The following LRRC1 variants were observed in gnomAD, a reference collection of about 807,000 sequenced individuals.
LRRC1 encodes the protein leucine-rich repeat-containing protein 1.
A neutral mutation model predicts 69.9 loss-of-function variants in LRRC1; 28 were observed. That is an observed-to-expected ratio of 0.40 (90% CI 0.30 to 0.55). The LOEUF is 0.55. Among genes scored for constraint, LRRC1 ranks in the 20% least tolerant of loss-of-function variants. The probability of loss-of-function intolerance (pLI) is 0.47; values close to 1 mark genes in which losing one functional copy is unlikely to be tolerated. For synonymous variants in LRRC1, 236 were observed against 240.2 expected, an observed-to-expected ratio of 0.98 and a Z score of 0.16; for missense variants, 498 against 609.0, an observed-to-expected ratio of 0.82 and a Z score of 1.92.
chr6:53,882,050 A>G (rs1767308245), intron 3 of LRRC1, among the ~76,000 whole-genome samples: 1 of 152,240 alleles, frequency 6.6e-6, no homozygotes, highest in Non-Finnish European at 1.5e-5. Context: ...ACTAAAAGAA[A>G]AATGTTAAGA....
intron 1 of LRRC1, among the ~76,000 whole-genome samples, chr6:53,797,056 A>C (rs1301149268): frequency 2.0e-5 from 3 of 151,982 alleles, no homozygotes; most frequent in Non-Finnish European, 2.9e-5. Flanking sequence ...TCTTTTGTAG[A>C]ACTGGAAGAT....
At chr6:53,901,995 A>C (rs565857930) in intron 8 of LRRC1, among the ~76,000 whole-genome samples, 13 of 152,340 alleles carry the variant, frequency 8.5e-5, no homozygotes, top group African/African-American at 3.1e-4. Context: ...CTGTGGGCTT[A>C]ATCCCATGAC....
intron 7 of LRRC1, among the ~76,000 whole-genome samples, chr6:53,899,457 A>G (rs1767974908): frequency 6.6e-6 from 1 of 152,186 alleles, no homozygotes; most frequent in Non-Finnish European, 1.5e-5. Context: ...GTGACCCTGC[A>G]GTCGTTTTTT....
chr6:53,810,060 G>C (rs1764747757), intron 1 of LRRC1, among the ~76,000 whole-genome samples: 1 of 152,206 alleles, frequency 6.6e-6, no homozygotes. Flanking sequence ...CGGGAAGCAG[G>C]TAGGCAAAGA....
chr6:53,902,636 AAAG>A lies in LRRC1; in HGVS notation c.798_800del (p.Lys267del), dbSNP rs764245696. On this transcript the variant is annotated inframe_deletion, in exon 9 of 14. Coordinates refer to ENST00000370888, the MANE Select transcript of LRRC1 (RefSeq NM_018214.5). The stretch of plus-strand genomic sequence containing the variant: ...ATCATAATGCTTTTACAGGAAAACT[AAAG>A]AAACTGTCAATCTTGAAGGTGGATC... 6.3e-7 allele frequency: 1 copy of A among 1,584,300 alleles called. No individual in the cohort carries two copies. The highest frequency in any genetic ancestry group is 1.2e-5 in the South Asian group (1 of 84,406).
At chr6:53,909,837 T>C (rs994137523) in intron 10 of LRRC1, among the ~76,000 whole-genome samples, 1 of 152,178 alleles carries the variant, frequency 6.6e-6, no homozygotes, top group Admixed American at 6.5e-5. Flanking sequence ...TTTTTGCCAA[T>C]GGGGTGTGTG....
At chr6:53,817,025 A>G (rs936600377) in intron 1 of LRRC1, among the ~76,000 whole-genome samples, 5 of 152,218 alleles carry the variant, frequency 3.3e-5, no homozygotes, top group Admixed American at 2.6e-4. Flanking sequence ...ATGCCCTTTT[A>G]AGAAACTTTG....
At chr6:53,878,909 C>A in intron 2 of LRRC1, 84 bp from the exon 3 acceptor site, 1 of 742,590 alleles carries the variant, frequency 1.3e-6, no homozygotes, top group Non-Finnish European at 2.3e-6. Context: ...TCCAGATATT[C>A]TCTTGTGAGT....
chr6:53,802,366 G>A (rs373612779), intron 1 of LRRC1, among the ~76,000 whole-genome samples: 73 of 152,280 alleles, frequency 4.8e-4, no homozygotes, highest in African/African-American at 1.7e-3. Flanking sequence ...AGTTTTTACC[G>A]CTGGGAGCCT....
intron 1 of LRRC1, among the ~76,000 whole-genome samples, chr6:53,814,986 T>C (rs6458961): frequency 0.82 from 125,569 of 152,208 alleles, 52,004 homozygotes; most frequent in East Asian, 0.92. Flanking sequence ...TATAAGGAAC[T>C]AGGCTGTCTT....
intron 2 of LRRC1, among the ~76,000 whole-genome samples, chr6:53,867,456 A>G (rs76338970): frequency 0.024 from 3,621 of 151,262 alleles, 54 homozygotes; most frequent in Non-Finnish European, 0.039. Flanking sequence ...CACTAATTGA[A>G]AGCAATTCTA....
Position 53,904,468 on chromosome 6 carries a change from T to C in LRRC1, c.990+6T>C, listed in dbSNP as rs759861173. 1.3e-6 allele frequency: 2 copies of C among 1,566,990 alleles called. No individual in the cohort carries two copies. The highest frequency in any genetic ancestry group is 2.3e-5 in the South Asian group (2 of 87,316). ...TAGTGTCCTTACCAAAAGAGGTATG[T>C]GCTTTTAGAGAAATCACATGATAAT... On this transcript the variant is annotated splice_donor_region_variant and intron_variant, in intron 10 of 13. Coordinates refer to ENST00000370888, the MANE Select transcript of LRRC1 (RefSeq NM_018214.5).
chr6:53,820,191 C>A, intron 1 of LRRC1, among the ~76,000 whole-genome samples: 1 of 151,784 alleles, frequency 6.6e-6, no homozygotes. Context: ...TTTCAGGAAC[C>A]CTGAAAATGA....
intron 1 of LRRC1, among the ~76,000 whole-genome samples, chr6:53,810,504 C>T (rs1346407919): frequency 6.6e-6 from 1 of 151,976 alleles, no homozygotes; most frequent in Non-Finnish European, 1.5e-5. Flanking sequence ...CCTGTAGTCC[C>T]AGCTACTTGG....
chr6:53,896,708 T>C, intron 5 of LRRC1, 121 bp from the exon 6 acceptor site: 4 of 970,690 alleles, frequency 4.1e-6, no homozygotes, highest in Non-Finnish European at 6.3e-6. Context: ...TCCTGTGCAA[T>C]ATTTTCTACC....
chr6:53,808,054 CA>C lies in LRRC1; in HGVS notation c.159+12640del, dbSNP rs1764686491. Among the ~76,000 whole-genome samples the C allele has an allele frequency of 3.3e-5, 5 of 152,268 alleles. 1 individual carries two copies. In the South Asian group the frequency reaches 1.0e-3, roughly 32 times the overall value. On this transcript the variant is annotated intron_variant, in intron 1 of 13. Transcript: ENST00000370888. ...GCAAGGAGAGTGGATGGGTTTTCAT[CA>C]GTTGAAGTGTGGCAGATCATAAGCC...
intron 1 of LRRC1, among the ~76,000 whole-genome samples, chr6:53,815,121 A>G (rs1176807018): frequency 1.1e-5 from 1 of 89,428 alleles, no homozygotes. Flanking sequence ...AATTTCACCC[A>G]TTATGTTGGG....
intron 2 of LRRC1, among the ~76,000 whole-genome samples, chr6:53,859,116 A>G (rs1243491038): frequency 6.6e-6 from 1 of 152,218 alleles, no homozygotes; most frequent in Non-Finnish European, 1.5e-5. Context: ...CCCTAGAGAC[A>G]TTCAAACCAT....
intron 10 of LRRC1, among the ~76,000 whole-genome samples, chr6:53,910,330 T>G (rs1017429443): frequency 1.3e-5 from 2 of 152,220 alleles, no homozygotes; most frequent in Admixed American, 1.3e-4. Context: ...CCAGAACTTC[T>G]AAGTGATACA....
Sources: gnomAD v4.1 joint callset for allele counts (sites outside exome capture counted in the v4.1 genomes callset) on GRCh38, gnomAD v4.1.1 for gene constraint, MANE v1.5 for transcripts, NCBI Gene and HGNC (gene_info 2026-07-23, HGNC 2026-07-21) for gene names.